The following CCSER1 variants were observed in gnomAD, a reference collection of about 807,000 sequenced individuals.
CCSER1 encodes the protein serine-rich coiled-coil domain-containing protein 1.
In CCSER1, 41 loss-of-function variants were observed where a neutral mutation model predicts 82.0. That is an observed-to-expected ratio of 0.50 (90% CI 0.39 to 0.65). The LOEUF is 0.65. CCSER1 is among the 30% of genes least tolerant of loss of function. The pLI is 0.00. For synonymous variants in CCSER1, 414 were observed against 383.9 expected (o/e 1.08, Z -0.92); for missense variants, 1,119 against 1,064.2 (o/e 1.05, Z -0.72).
At chr4:90,422,353 G>C (rs1756825203) in intron 4 of CCSER1, among the ~76,000 whole-genome samples, 1 of 152,138 alleles carries the variant, frequency 6.6e-6, no homozygotes, top group South Asian at 2.1e-4. Flanking sequence ...CAGCACTTTG[G>C]GAGGCTAGGC....
At chr4:91,113,749 T>G (rs1419400105) in intron 10 of CCSER1, among the ~76,000 whole-genome samples, 1 of 152,234 alleles carries the variant, frequency 6.6e-6, no homozygotes, top group African/African-American at 2.4e-5. Context: ...TTATCATTCA[T>G]AGAAATCTTT....
At chr4:91,438,639 C>G (rs2149402078) in intron 10 of CCSER1, among the ~76,000 whole-genome samples, 2 of 152,320 alleles carry the variant, frequency 1.3e-5, no homozygotes, top group South Asian at 4.1e-4. Flanking sequence ...TGGAGAATGA[C>G]TTTGACAAGT....
intron 1 of CCSER1, among the ~76,000 whole-genome samples, chr4:90,252,338 T>C (rs1722545317): frequency 6.6e-6 from 1 of 151,970 alleles, no homozygotes; most frequent in Admixed American, 6.6e-5. Context: ...TAAGCATTGC[T>C]TAAGTTGCAT....
chr4:91,177,214 G>A (rs534756866), intron 10 of CCSER1, among the ~76,000 whole-genome samples: 14 of 152,182 alleles, frequency 9.2e-5, no homozygotes, highest in South Asian at 2.1e-4. Flanking sequence ...TGCTGGATTC[G>A]GTTTGCCAGT....
At chr4:90,670,331 A>T (rs1428196405) in intron 6 of CCSER1, among the ~76,000 whole-genome samples, 1 of 152,092 alleles carries the variant, frequency 6.6e-6, no homozygotes, top group Non-Finnish European at 1.5e-5. Context: ...TTTTCTCAAG[A>T]TAAAGGGAGT....
intron 9 of CCSER1, among the ~76,000 whole-genome samples, chr4:90,946,219 A>T (rs1382429705): frequency 2.6e-5 from 4 of 152,246 alleles, no homozygotes; most frequent in Non-Finnish European, 5.9e-5. Flanking sequence ...GAAGAGAATA[A>T]TGACTAATAT....
intron 7 of CCSER1, among the ~76,000 whole-genome samples, chr4:90,768,368 C>CATA (rs1751576504): frequency 1.3e-5 from 2 of 152,198 alleles, no homozygotes; most frequent in African/African-American, 4.8e-5. Flanking sequence ...GAGGCACCAA[C>CATA]ATAAGCTAGG....
At chr4:90,280,273 C>A (rs1041246984) in intron 1 of CCSER1, among the ~76,000 whole-genome samples, 2 of 151,910 alleles carry the variant, frequency 1.3e-5, no homozygotes, top group African/African-American at 4.8e-5. Context: ...TTTTGGGCAC[C>A]CAGAAAATAT....
chr4:90,840,207 A>G (rs1323952988), intron 8 of CCSER1, among the ~76,000 whole-genome samples: 3 of 152,152 alleles, frequency 2.0e-5, no homozygotes, highest in African/African-American at 7.2e-5. Context: ...AAAATTTTAA[A>G]TAGTTCTACC....
At chr4:90,191,537 G>A (rs1351437850) in intron 1 of CCSER1, among the ~76,000 whole-genome samples, 1 of 152,004 alleles carries the variant, frequency 6.6e-6, no homozygotes, top group East Asian at 1.9e-4. Flanking sequence ...ATGCAGTAAA[G>A]AGGACAAGTG....
chr4:91,224,617 A>T (rs374114215), intron 10 of CCSER1, among the ~76,000 whole-genome samples: 204 of 152,210 alleles, frequency 1.3e-3, no homozygotes, highest in African/African-American at 4.7e-3. Context: ...CAGCTAATTC[A>T]TATCACATAG....
chr4:91,461,094 T>C (rs1424455443), intron 10 of CCSER1, among the ~76,000 whole-genome samples: 1 of 152,192 alleles, frequency 6.6e-6, no homozygotes, highest in Non-Finnish European at 1.5e-5. Flanking sequence ...ACTATCTAGA[T>C]GGTTGTAAAT....
At chr4:90,227,496 C>A (rs1743407657) in intron 1 of CCSER1, among the ~76,000 whole-genome samples, 1 of 152,198 alleles carries the variant, frequency 6.6e-6, no homozygotes, top group Non-Finnish European at 1.5e-5. Flanking sequence ...GGATATACAT[C>A]AGTATTTAGT....
chr4:90,870,434 C>T (rs28768986), intron 8 of CCSER1, among the ~76,000 whole-genome samples: 10,215 of 151,544 alleles, frequency 0.067, 362 homozygotes, highest in Admixed American at 0.11. Context: ...ATTCTTTTTC[C>T]GTGTCAGTTG....
At chr4:91,280,697 G>A (rs1420416451) in intron 10 of CCSER1, among the ~76,000 whole-genome samples, 2 of 152,100 alleles carry the variant, frequency 1.3e-5, no homozygotes, top group African/African-American at 2.4e-5. Flanking sequence ...TCTATAAGTG[G>A]GGTATAATAT....
intron 9 of CCSER1, among the ~76,000 whole-genome samples, chr4:91,042,414 C>A (rs1374839038): frequency 6.6e-6 from 1 of 152,152 alleles, no homozygotes; most frequent in Non-Finnish European, 1.5e-5. Context: ...ATAAATTGCC[C>A]AGTCTCGGGC....
At chr4:91,017,297 C>T (rs1343361703) in intron 9 of CCSER1, 4 of 152,178 alleles carry the variant, frequency 2.6e-5, no homozygotes, top group East Asian at 1.9e-4. Flanking sequence ...AGAACAGAAT[C>T]GGTGGAGGTA....
At chr4:90,900,100 T>G (rs556899508) in intron 8 of CCSER1, among the ~76,000 whole-genome samples, 7 of 149,022 alleles carry the variant, frequency 4.7e-5, no homozygotes, top group Admixed American at 4.0e-4. Context: ...CAGAGTTTTT[T>G]TTTTTTTTTT....
intron 10 of CCSER1, among the ~76,000 whole-genome samples, chr4:91,321,175 T>C (rs1198349577): frequency 6.6e-6 from 1 of 152,114 alleles, no homozygotes; most frequent in African/African-American, 2.4e-5. Context: ...GTTTCTACGC[T>C]AAACAGTCTT....
Sources: gnomAD v4.1 joint callset for allele counts (sites outside exome capture counted in the v4.1 genomes callset) on GRCh38, gnomAD v4.1.1 for gene constraint, MANE v1.5 for transcripts, NCBI Gene and HGNC (gene_info 2026-07-23, HGNC 2026-07-21) for gene names.